Variants in FRS2 observed in about 807,000 individuals in gnomAD.
FRS2 encodes FGFR signalling adaptor.
FRS2 carries 8 observed loss-of-function variants against 43.9 expected under a neutral mutation model. That is an observed-to-expected ratio of 0.18 (90% CI 0.11 to 0.33). The LOEUF (loss-of-function observed/expected upper bound fraction) is 0.33, where lower values mean the gene tolerates loss of function less well. Among genes scored for constraint, FRS2 ranks in the 10% least tolerant of loss-of-function variants. FRS2 has a pLI of 1.00. For missense variants in FRS2, 534 were observed against 627.6 expected, an observed-to-expected ratio of 0.85 and a Z score of 1.59; for synonymous variants, 219 against 220.3, an observed-to-expected ratio of 0.99 and a Z score of 0.05.
intron 1 of FRS2, among the ~76,000 whole-genome samples, chr12:69,472,238 C>T (rs1452067809): frequency 6.6e-6 from 1 of 151,520 alleles, no homozygotes; most frequent in Admixed American, 6.6e-5. Context: ...AGGCACCAAC[C>T]ACCACACCTG....
chr12:69,570,219 A>G (rs1330441251), intron 5 of FRS2, 112 bp from the exon 6 acceptor site: 1 of 772,562 alleles, frequency 1.3e-6, no homozygotes, highest in African/African-American at 1.7e-5. Context: ...CATGCCTGAT[A>G]CACACATTGG....
At chr12:69,498,925 GAT>G (rs1420795774) in intron 1 of FRS2, among the ~76,000 whole-genome samples, 1 of 152,164 alleles carries the variant, frequency 6.6e-6, no homozygotes, top group Non-Finnish European at 1.5e-5. Context: ...TTACACACTT[GAT>G]GTTTATAACA....
chr12:69,551,148 T>C lies in FRS2; in HGVS notation c.-121-11032T>C, dbSNP rs949334876. 2.6e-5 allele frequency among the ~76,000 whole-genome samples: 4 copies of C among 152,160 alleles called. 1 individual carries two copies. In the South Asian group the frequency reaches 6.2e-4, roughly 24 times the overall value. On this transcript the variant is annotated intron_variant, in intron 3 of 8. Coordinates refer to ENST00000549921, the MANE Select transcript of FRS2 (RefSeq NM_001278356.2). ...AGGAGTATTGCCTGAGGCCGGGAGTTCTAGACCCCTTGGGCAACATTGTGA... is the reference window on the plus strand; with the variant it reads ...AGGAGTATTGCCTGAGGCCGGGAGTCCTAGACCCCTTGGGCAACATTGTGA...
At chr12:69,553,869 A>G (rs1178143937) in intron 3 of FRS2, among the ~76,000 whole-genome samples, 1 of 152,216 alleles carries the variant, frequency 6.6e-6, no homozygotes, top group East Asian at 1.9e-4. Context: ...GTCCAGCTGC[A>G]TTATTTATGT....
intron 3 of FRS2, among the ~76,000 whole-genome samples, chr12:69,550,155 A>G (rs776868700): frequency 1.2e-4 from 18 of 152,148 alleles, no homozygotes; most frequent in Non-Finnish European, 2.1e-4. Flanking sequence ...TGTCCTTCCT[A>G]TGTTCCCTGG....
intron 3 of FRS2, among the ~76,000 whole-genome samples, chr12:69,543,788 A>G (rs1439873645): frequency 6.6e-6 from 1 of 152,198 alleles, no homozygotes; most frequent in Non-Finnish European, 1.5e-5. Flanking sequence ...TAATTAGTGT[A>G]TTCTAGAAAC....
chr12:69,569,218 C>G (rs1028912957), intron 5 of FRS2, 122 bp downstream of exon 5: 5 of 557,078 alleles, frequency 9.0e-6, no homozygotes, highest in Non-Finnish European at 1.3e-5. Context: ...TTTCTTTCCA[C>G]CCTGTCTTTC....
chr12:69,513,021 G>A (rs1439794755), intron 1 of FRS2, among the ~76,000 whole-genome samples: 4 of 152,112 alleles, frequency 2.6e-5, no homozygotes, highest in Non-Finnish European at 5.9e-5. Context: ...TAAGTTCCTT[G>A]GGTAAGTTGC....
At chr12:69,501,888 C>T (rs1273021785) in intron 1 of FRS2, among the ~76,000 whole-genome samples, 1 of 152,134 alleles carries the variant, frequency 6.6e-6, no homozygotes, top group Non-Finnish European at 1.5e-5. Context: ...CTTTACTAGA[C>T]AGCATTAGCG....
In FRS2 at chr12:69,525,709, TA is replaced by T. The variant is rs937691573; in HGVS notation, c.-260-5155del. On this transcript the variant is annotated intron_variant, in intron 1 of 8. Coordinates refer to ENST00000549921, the MANE Select transcript of FRS2 (RefSeq NM_001278356.2). ...GTGCAATGGAGACTGTGAGGGAGAT[TA>T]TTTTTTTTTTTTAGCACCATAAACT... Among the ~76,000 whole-genome samples the T allele has an allele frequency of 4.6e-5, 7 of 152,144 alleles. No individual in the cohort carries two copies. The South Asian group carries it at 6.2e-4, about 14-fold the overall frequency.
At chr12:69,522,067 G>A (rs1251349664) in intron 1 of FRS2, among the ~76,000 whole-genome samples, 1 of 152,182 alleles carries the variant, frequency 6.6e-6, no homozygotes, top group Non-Finnish European at 1.5e-5. Flanking sequence ...TTGCATCCCA[G>A]GGATAAAGCC....
At chr12:69,529,686 T>TA (rs1212958701) in intron 1 of FRS2, among the ~76,000 whole-genome samples, 2 of 152,006 alleles carry the variant, frequency 1.3e-5, no homozygotes, top group African/African-American at 4.8e-5. Context: ...CAATTTAAGT[T>TA]AAAAAAATTC....
At chr12:69,539,767 A>G (rs1220094242) in intron 3 of FRS2, among the ~76,000 whole-genome samples, 2 of 152,070 alleles carry the variant, frequency 1.3e-5, no homozygotes, top group African/African-American at 4.8e-5. Flanking sequence ...CAGCCTGGCC[A>G]ACATGGTGAA....
In FRS2 at chr12:69,574,265, T is replaced by C. The variant is rs1593079395; in HGVS notation, c.837T>C (p.Ser279=). The C allele has an allele frequency of 6.2e-7, 1 of 1,614,142 alleles. No individual in the cohort carries two copies. The highest frequency in any genetic ancestry group is 8.5e-7 in the Non-Finnish European group (1 of 1,179,990). ...TTGGAAGAGATCAAGTTAGTGGAAG[T>C]GGAGCAAATAACACAGAATGGGACA... ...EQLGRDQVSG[S]GANNTEWDTG... is the part of the protein sequence containing the mutation. Residue 279 remains serine, a synonymous_variant, in exon 9 of 9, where the codon AGT becomes AGC. Transcript: ENST00000549921.
chr12:69,528,532 A>G lies in FRS2; in HGVS notation c.-260-2333A>G, dbSNP rs567686987. Among the ~76,000 whole-genome samples the G allele has an allele frequency of 7.9e-5, 12 of 152,354 alleles. No individual in the cohort carries two copies. The South Asian group carries it at 1.4e-3, about 18-fold the overall frequency. On this transcript the variant is annotated intron_variant, in intron 1 of 8. Transcript: ENST00000549921. ...TCTAGAGTTATGGTACAGATGATTTAAAAACAAAACAACAGTTTAAGAAAA... is the reference window on the plus strand; with the variant it reads ...TCTAGAGTTATGGTACAGATGATTTGAAAACAAAACAACAGTTTAAGAAAA...
At chr12:69,557,898 C>A (rs1879561743) in intron 3 of FRS2, 1 of 151,816 alleles carries the variant, frequency 6.6e-6, no homozygotes, top group African/African-American at 2.4e-5. Context: ...TTAGCTTTTT[C>A]TTTTTTTAAA....
intron 1 of FRS2, among the ~76,000 whole-genome samples, chr12:69,511,593 CTG>C (rs1344861827): frequency 1.3e-5 from 2 of 152,104 alleles, no homozygotes; most frequent in African/African-American, 2.4e-5. Flanking sequence ...TAAAAAAACT[CTG>C]AACTGGTGGA....
intron 1 of FRS2, among the ~76,000 whole-genome samples, chr12:69,482,593 C>T (rs1871441097): frequency 6.6e-6 from 1 of 152,136 alleles, no homozygotes; most frequent in Non-Finnish European, 1.5e-5. Context: ...GATGTGATTG[C>T]TGTCATGGAG....
intron 1 of FRS2, among the ~76,000 whole-genome samples, chr12:69,494,117 T>C (rs552666114): frequency 9.8e-5 from 15 of 152,340 alleles, no homozygotes; most frequent in African/African-American, 3.1e-4. Flanking sequence ...TTATACCTTA[T>C]TGTAATGGGT....
Sources: gnomAD v4.1 joint callset for allele counts (sites outside exome capture counted in the v4.1 genomes callset) on GRCh38, gnomAD v4.1.1 for gene constraint, MANE v1.5 for transcripts, NCBI Gene and HGNC (gene_info 2026-07-23, HGNC 2026-07-21) for gene names.